The following GALE variants were observed in gnomAD, a reference collection of about 807,000 sequenced individuals.
GALE encodes the protein UDP-glucose 4-epimerase.
Under a neutral mutation model 44.1 loss-of-function variants are expected in GALE, and 32 were observed. The observed-to-expected ratio is 0.73, with a 90% confidence interval of 0.55 to 0.97. The LOEUF (loss-of-function observed/expected upper bound fraction) is 0.97, where lower values mean the gene tolerates loss of function less well. Among genes scored for constraint, GALE ranks in the 50% least tolerant of loss-of-function variants. GALE has a pLI of 0.00. For synonymous variants in GALE, 182 were observed against 183.5 expected, an observed-to-expected ratio of 0.99 and a Z score of 0.06; for missense variants, 423 against 455.6, an observed-to-expected ratio of 0.93 and a Z score of 0.65.
intron 2 of GALE, 137 bp downstream of exon 2, chr1:23,799,229 T>C (rs1639058155): frequency 1.6e-6 from 1 of 612,280 alleles, no homozygotes; most frequent in Admixed American, 2.8e-5. Context: ...TCAGTTTCTA[T>C]CTCTGTAAAA....
In GALE at chr1:23,796,802, T is replaced by C; in HGVS notation, c.710-20A>G. The C allele has an allele frequency of 1.2e-6, 2 of 1,608,272 alleles. No individual in the cohort carries two copies. Among genetic ancestry groups the C allele is most frequent in the Non-Finnish European group, 1.7e-6 (2 of 1,177,066 alleles). On this transcript the variant is annotated intron_variant, in intron 8 of 11. Coordinates refer to ENST00000617979, the MANE Select transcript of GALE (RefSeq NM_001008216.2). The surrounding 1 kb of genome is among the most constrained non-coding windows in gnomAD (Gnocchi z 5.2). ...GGACACCTGCAGAGAAGGGAGTGTG[T>C]TGGATGGGGAGTCTGTTCCCCCTGA...
chr1:23,797,143 C>A lies in GALE; in HGVS notation c.533G>T (p.Trp178Leu). Reference protein sequence around the residue: ...IRDLCQADKTWNAVLLRYFNP... With the variant: ...IRDLCQADKTLNAVLLRYFNP... Reference sequence around the variant, plus strand: ...GAAATAGCGCAGCAGCACTGCGTTCCAAGTCTGTGGGATGTGGGTCAGGTG... The same window carrying A: ...GAAATAGCGCAGCAGCACTGCGTTCAAAGTCTGTGGGATGTGGGTCAGGTG... Residue 178 changes from tryptophan to leucine, a missense_variant, in exon 7 of 12, where the codon TGG becomes TTG. Coordinates refer to ENST00000617979, the MANE Select transcript of GALE (RefSeq NM_001008216.2). 1 of 1,605,182 alleles carries A rather than the reference C, an allele frequency of 6.2e-7. No homozygotes were observed. The highest frequency in any genetic ancestry group is 2.2e-5 in the East Asian group (1 of 44,686).
At chr1:23,799,993 C>G (rs189052563) in intron 1 of GALE, 1 of 152,462 alleles carries the variant, frequency 6.6e-6, no homozygotes, top group Admixed American at 6.5e-5. Context: ...CACGCAGCTC[C>G]AACCCACTTG....
Position 23,799,354 on chromosome 1 carries a change from A to G in GALE, c.-6+12T>C. 1 of 370,906 alleles carries G rather than the reference A, an allele frequency of 2.7e-6. No homozygotes were observed. Among genetic ancestry groups the G allele is most frequent in the Non-Finnish European group, 5.2e-6 (1 of 193,502 alleles). The allele number at this position is 370,906 out of a possible 1,614,324, so 23.0% of individuals were successfully genotyped here. On this transcript the variant is annotated intron_variant, in intron 2 of 11. Transcript: ENST00000617979. Reference sequence around the variant, plus strand: ...CTGACACACAGGCACCTTATTTTCTAGTTCCACTTGCCTTGGAGTTGGAAA... The same window carrying G: ...CTGACACACAGGCACCTTATTTTCTGGTTCCACTTGCCTTGGAGTTGGAAA...
rs187654497 is a variant in GALE, at chr1:23,798,954, C to T, written c.54G>A (p.Thr18=). 2.0e-5 allele frequency: 33 copies of T among 1,614,144 alleles called. No homozygotes were observed. The African/African-American group carries it at 3.1e-4, about 15-fold the overall frequency. ...AGCCAGCCTCCAGCAGCTCCAGCACCGTGTGGCTGCCAATGTAGCCAGCCC... is the reference window on the plus strand; with the variant it reads ...AGCCAGCCTCCAGCAGCTCCAGCACTGTGTGGCTGCCAATGTAGCCAGCCC... The part of the protein sequence containing the change: ...TGGAGYIGSH[T]VLELLEAGYL... Residue 18 remains threonine, a synonymous_variant, in exon 3 of 12, where the codon ACG becomes ACA. Transcript: ENST00000617979. This position sits in a 1 kb window ranked among gnomAD's most constrained non-coding sequence, Gnocchi z 4.5.
chr1:23,800,351 G>C (rs1163392615), intron 1 of GALE: 1 of 152,460 alleles, frequency 6.6e-6, no homozygotes, highest in Non-Finnish European at 1.5e-5. Flanking sequence ...ACGAAAGCTG[G>C]TCTGAGGCCG....
chr1:23,797,675 ACTGTCAAGGGGGCC>A lies in GALE; in HGVS notation c.528+6_528+19del, dbSNP rs1245005134. On this transcript the variant is annotated splice_donor_region_variant and intron_variant, in intron 6 of 11. Coordinates refer to ENST00000617979, the MANE Select transcript of GALE (RefSeq NM_001008216.2). ...GTCCATCGATCAGTGGAGCCAGGGC[ACTGTCAAGGGGGCC>A]CTCACCTTGTCTGCCTGGCACAGGT... 1 of 1,611,312 alleles carries A rather than the reference ACTGTCAAGGGGGCC, an allele frequency of 6.2e-7. No homozygotes were observed. Among genetic ancestry groups the A allele is most frequent in the African/African-American group, 1.3e-5 (1 of 74,796 alleles).
chr1:23,796,268 G>C lies in GALE; in HGVS notation c.874-3C>G. 6.2e-7 allele frequency: 1 copy of C among 1,612,932 alleles called. No individual in the cohort carries two copies. Among genetic ancestry groups the C allele is most frequent in the South Asian group, 1.1e-5 (1 of 91,070 alleles). ...CGTGCCACCACCTTGTACGGGATCT[G>C]CAAGACAGGAGGTAGTTGGAGCTTA... On this transcript the variant is annotated splice_region_variant and splice_polypyrimidine_tract_variant and intron_variant, in intron 10 of 11. Coordinates refer to ENST00000617979, the MANE Select transcript of GALE (RefSeq NM_001008216.2). The surrounding 1 kb of genome is among the most constrained non-coding windows in gnomAD (Gnocchi z 5.2).
rs146052241 is a variant in GALE at position 23,796,235 on chromosome 1, C to A, written c.904G>T (p.Gly302Cys). The A allele has an allele frequency of 1.9e-6, 3 of 1,614,166 alleles. No homozygotes were observed. In the Admixed American group the frequency reaches 5.0e-5, roughly 27 times the overall value. Reference protein sequence around the residue: ...IPYKVVARREGDVAACYANPS... With the variant: ...IPYKVVARRECDVAACYANPS... Reference sequence around the variant, plus strand: ...TTGGCGTAACAGGCTGCCACATCACCTTCCCGCCGTGCCACCACCTTGTAC... The same window carrying A: ...TTGGCGTAACAGGCTGCCACATCACATTCCCGCCGTGCCACCACCTTGTAC... The change falls in exon 11 of 12, where the codon GGT becomes TGT. Residue 302 changes from glycine to cysteine, a missense_variant. Physicochemically the swap from Gly to Cys is radical, Grantham distance 159 (BLOSUM62 -3). Transcript: ENST00000617979. The surrounding 1 kb of genome is among the most constrained non-coding windows in gnomAD (Gnocchi z 5.2).
Position 23,796,007 on chromosome 1 carries a change from C to A in GALE, c.989G>T (p.Cys330Phe), listed in dbSNP as rs768527360. ...WTAALGLDRM[C>F]EDLWRWQKQN... is the part of the protein sequence containing the mutation. ...CTTCTGCCAGCGCCAGAGATCCTCA[C>A]CTGCAACACGGCGAGGTGTGTGCTC... Residue 330 changes from cysteine to phenylalanine, a missense_variant and splice_region_variant, in exon 12 of 12, where the codon TGT (cysteine) becomes TTT (phenylalanine). Cys to Phe is a radical substitution (Grantham distance 205, BLOSUM62 -2). Transcript: ENST00000617979. The surrounding 1 kb of genome is among the most constrained non-coding windows in gnomAD (Gnocchi z 5.2). 1.2e-6 allele frequency: 2 copies of A among 1,614,062 alleles called. No homozygotes were observed. Among genetic ancestry groups the A allele is most frequent in the South Asian group, 1.1e-5 (1 of 91,052 alleles).
At position 23,798,736 on chromosome 1, in the gene GALE, A is replaced by AG. The variant is rs1639042828; in HGVS notation, c.122-7dup. On this transcript the variant is annotated splice_polypyrimidine_tract_variant and splice_region_variant and intron_variant, in intron 3 of 11. Transcript: ENST00000617979. The surrounding 1 kb of genome is among the most constrained non-coding windows in gnomAD (Gnocchi z 4.5). ...CTCAGGCAGGGAGCCCCCTCCTGGT[A>AG]GGGTACATGTAGGCCACATCATCAC... 6.2e-7 allele frequency: 1 copy of AG among 1,612,840 alleles called. No individual in the cohort carries two copies. The highest frequency in any genetic ancestry group is 1.7e-5 in the Admixed American group (1 of 59,984).
Position 23,798,543 on chromosome 1 carries a change from T to A in GALE, c.237+72A>T, listed in dbSNP as rs1480706570. On this transcript the variant is annotated intron_variant, in intron 4 of 11. Coordinates refer to ENST00000617979, the MANE Select transcript of GALE (RefSeq NM_001008216.2). The surrounding 1 kb of genome is among the most constrained non-coding windows in gnomAD (Gnocchi z 4.5). ...CTGGTCTTGAACACCTGGGCTCAAG[T>A]GATCTCCTCACCTCGGCCTTCCAAA... 4 of 1,088,748 alleles carry A rather than the reference T, an allele frequency of 3.7e-6. No homozygotes were observed. The highest frequency in any genetic ancestry group is 5.6e-6 in the Non-Finnish European group (4 of 708,696). The allele number at this position is 1,088,748 out of a possible 1,614,324, so 67.4% of individuals were successfully genotyped here. A position where few individuals can be genotyped will look rare whatever the true frequency, so the allele number is the denominator to read the frequency against.
Position 23,798,455 on chromosome 1 carries a change from C to A in GALE, c.237+160G>T. Reference sequence around the variant, plus strand: ...GAGTAGCTGGGACCACAGGTATGGGCTACCATGCCCAGCTAATTTTTGTAT... The same window carrying A: ...GAGTAGCTGGGACCACAGGTATGGGATACCATGCCCAGCTAATTTTTGTAT... On this transcript the variant is annotated intron_variant, in intron 4 of 11. Transcript: ENST00000617979. This position sits in a 1 kb window ranked among gnomAD's most constrained non-coding sequence, Gnocchi z 4.5. 1 of 697,478 alleles carries A rather than the reference C, an allele frequency of 1.4e-6. No homozygotes were observed. The highest frequency in any genetic ancestry group is 2.5e-6 in the Non-Finnish European group (1 of 394,542). The allele number at this position is 697,478 out of a possible 1,614,324, so 43.2% of individuals were successfully genotyped here. A position where few individuals can be genotyped will look rare whatever the true frequency, so the allele number is the denominator to read the frequency against.
chr1:23,797,375 T>C (rs1638992363), intron 6 of GALE, among the ~76,000 whole-genome samples: 1 of 152,090 alleles, frequency 6.6e-6, no homozygotes, highest in Admixed American at 6.5e-5. Flanking sequence ...CACACCACCA[T>C]GGCCGGCTAA....
chr1:23,798,660 C>G lies in GALE; in HGVS notation c.192G>C (p.Glu64Asp). The stretch of plus-strand genomic sequence containing the variant: ...GGGCTCCCTGGTCCAAAATGTCCAT[C>G]TCCTCAAACTCCACAGAGCGGCCTG... ...ELTGRSVEFE[E>D]MDILDQGALQ... Residue 64 changes from glutamate to aspartate, a missense_variant, in exon 4 of 12, where the codon GAG becomes GAC. By Grantham distance (45) the Glu-to-Asp change is conservative (BLOSUM62 2). Coordinates refer to ENST00000617979, the MANE Select transcript of GALE (RefSeq NM_001008216.2). This position sits in a 1 kb window ranked among gnomAD's most constrained non-coding sequence, Gnocchi z 4.5. 1 of 1,613,916 alleles carries G rather than the reference C, an allele frequency of 6.2e-7. No individual in the cohort carries two copies. The highest frequency in any genetic ancestry group is 8.5e-7 in the Non-Finnish European group (1 of 1,179,868).
At position 23,795,808 on chromosome 1, in the gene GALE, G is replaced by T; in HGVS notation, c.*141C>A. ...CAGTGGAGCCCTTGGCCTCATGCCT[G>T]GTGGGCTAAGCGGGCCCAGCTGGGG... On this transcript the variant is annotated 3_prime_UTR_variant, in exon 12 of 12. Coordinates refer to ENST00000617979, the MANE Select transcript of GALE (RefSeq NM_001008216.2). 1 of 783,246 alleles carries T rather than the reference G, an allele frequency of 1.3e-6. No individual in the cohort carries two copies. The highest frequency in any genetic ancestry group is 1.5e-5 in the South Asian group (1 of 66,418). 48.5% of individuals were successfully genotyped at this position (783,246 alleles called of 1,614,324 possible). A position where few individuals can be genotyped will look rare whatever the true frequency, so the allele number is the denominator to read the frequency against.
chr1:23,797,987 A>T, intron 5 of GALE, 116 bp from the exon 6 acceptor site: 1 of 1,341,746 alleles, frequency 7.5e-7, no homozygotes, highest in Non-Finnish European at 1.1e-6. Context: ...CAGATGGGGA[A>T]ACTGAGACTG....
At chr1:23,797,588 A>T (rs1016542268) in intron 6 of GALE, 107 bp downstream of exon 6, 6 of 1,102,268 alleles carry the variant, frequency 5.4e-6, no homozygotes, top group Non-Finnish European at 8.3e-6. Context: ...CCTGAGCCTT[A>T]GCTTCCTCCT....
Position 23,796,843 on chromosome 1 carries a change from C to G in GALE, c.709+33G>C, listed in dbSNP as rs888233469. ...TTCCCCCTGACTCTCCTTCCTGGCT[C>G]CCACTCCTAGGTCCCCCTGGTCCTA... On this transcript the variant is annotated intron_variant, in intron 8 of 11. Transcript: ENST00000617979. This position sits in a 1 kb window ranked among gnomAD's most constrained non-coding sequence, Gnocchi z 5.2. 5 of 1,610,434 alleles carry G rather than the reference C, an allele frequency of 3.1e-6. No individual in the cohort carries two copies. Among genetic ancestry groups the G allele is most frequent in the Admixed American group, 1.7e-5 (1 of 59,462 alleles).
Sources: allele counts gnomAD v4.1 joint callset (sites outside exome capture counted in the v4.1 genomes callset), GRCh38; gene constraint gnomAD v4.1.1; non-coding constraint Gnocchi (gnomAD v3.1); transcripts MANE v1.5; gene names NCBI Gene and HGNC (gene_info 2026-07-23, HGNC 2026-07-21).